Variants in TMEM68 observed in about 807,000 individuals in gnomAD.
TMEM68 encodes DGAT1/2-independent enzyme synthesizing storage lipids.
In TMEM68, 25 loss-of-function variants were observed where a neutral mutation model predicts 36.9. The observed-to-expected ratio is 0.68, with a 90% CI of 0.49 to 0.95. The LOEUF is 0.95. Ranked by LOEUF, TMEM68 falls within the 40% of genes least tolerant of loss-of-function variation. The pLI is 0.00. For missense variants in TMEM68, 333 were observed against 392.0 expected (o/e 0.85, Z 1.27); for synonymous variants, 131 against 124.4 (o/e 1.05, Z -0.35).
chr8:55,756,419 A>T lies in TMEM68; in HGVS notation c.326-8T>A, dbSNP rs749018168. ...TTCCATGAACTTCATAACCTGTTTG[A>T]ATGACAAAATGCAAATACTTAAAAT... is the stretch of plus-strand genomic sequence containing the variant. On this transcript the variant is annotated splice_region_variant and splice_polypyrimidine_tract_variant and intron_variant, in intron 3 of 7. Coordinates refer to ENST00000434581, the MANE Select transcript of TMEM68 (RefSeq NM_001286657.2). The T allele has an allele frequency of 6.4e-6, 10 of 1,553,528 alleles. No individual in the cohort carries two copies. The East Asian group carries it at 2.4e-4, about 37-fold the overall frequency.
intron 4 of TMEM68, chr8:55,751,557 G>C: frequency 2.3e-6 from 1 of 440,214 alleles, no homozygotes; most frequent in Admixed American, 2.6e-5. Context: ...CTATAAAAAA[G>C]AGAATCACTC....
intron 5 of TMEM68, among the ~76,000 whole-genome samples, chr8:55,748,562 G>C (rs1810346672): frequency 6.7e-6 from 1 of 150,060 alleles, no homozygotes; most frequent in Admixed American, 6.6e-5. Flanking sequence ...GAGAGGGAGG[G>C]AGGGGAGGGA....
intron 5 of TMEM68, among the ~76,000 whole-genome samples, chr8:55,750,454 G>A (rs985432334): frequency 1.3e-5 from 2 of 151,582 alleles, no homozygotes; most frequent in African/African-American, 4.8e-5. Context: ...TGTTTCATAG[G>A]CTAAAGTACA....
At chr8:55,760,723 TATG>T (rs1421558618) in intron 3 of TMEM68, 9 of 152,360 alleles carry the variant, frequency 5.9e-5, no homozygotes, top group Non-Finnish European at 7.3e-5. Context: ...TTAAATTAAG[TATG>T]ATAACTGTGA....
Position 55,745,119 on chromosome 8 carries a change from G to T in TMEM68, c.690C>A (p.Pro230=). The change falls in exon 6 of 8, where the codon CCC becomes CCA. Residue 230 remains proline, a splice_region_variant and synonymous_variant. Transcript: ENST00000434581. ...TATTTTGTGTAAACATAGGAATAAT[G>T]GGCTAAAGAAAAGGAGAATTTGAAT... The part of the protein sequence containing the change: ...FAQVAIDAKV[P]IIPMFTQNIR... 6.8e-7 allele frequency: 1 copy of T among 1,477,938 alleles called. No homozygotes were observed. The highest frequency in any genetic ancestry group is 9.0e-7 in the Non-Finnish European group (1 of 1,114,420). 91.6% of individuals were successfully genotyped at this position (1,477,938 alleles called of 1,614,324 possible).
intron 4 of TMEM68, among the ~76,000 whole-genome samples, chr8:55,752,770 G>A (rs1042224214): frequency 6.8e-6 from 1 of 146,880 alleles, no homozygotes; most frequent in Admixed American, 6.9e-5. Flanking sequence ...TGTCACCCAG[G>A]CTGGAATGCA....
chr8:55,744,809 C>T (rs1810222508), intron 6 of TMEM68, among the ~76,000 whole-genome samples: 1 of 152,112 alleles, frequency 6.6e-6, no homozygotes, highest in Non-Finnish European at 1.5e-5. Flanking sequence ...AATAAACTAG[C>T]TAATTCACTG....
chr8:55,742,491 C>CTA (rs1412641263), intron 7 of TMEM68, among the ~76,000 whole-genome samples: 5 of 152,048 alleles, frequency 3.3e-5, no homozygotes, highest in South Asian at 2.1e-4. Context: ...ATAAATCAGA[C>CTA]TATATATATA....
At chr8:55,750,898 ATTAC>A (rs1459583568) in intron 5 of TMEM68, 62 bp downstream of exon 5, 23 of 1,513,714 alleles carry the variant, frequency 1.5e-5, no homozygotes, top group Non-Finnish European at 2.1e-5. Context: ...AATTTGGCTC[ATTAC>A]TTAACCATTT....
chr8:55,763,161 CAG>C (rs1810854311), intron 2 of TMEM68, 133 bp from the exon 3 acceptor site: 3 of 465,980 alleles, frequency 6.4e-6, no homozygotes, highest in Non-Finnish European at 1.1e-5. Context: ...AACTTTGTTG[CAG>C]ATTTAAATGT....
At chr8:55,769,029 A>T (rs1410461598) in intron 1 of TMEM68, among the ~76,000 whole-genome samples, 1 of 147,138 alleles carries the variant, frequency 6.8e-6, no homozygotes, top group Non-Finnish European at 1.5e-5. Context: ...AAAAAAAAAA[A>T]AAAAAAAAAA....
At chr8:55,753,869 A>T (rs566666036) in intron 4 of TMEM68, among the ~76,000 whole-genome samples, 2 of 152,306 alleles carry the variant, frequency 1.3e-5, no homozygotes, top group East Asian at 3.9e-4. Flanking sequence ...AGGCGGGCGG[A>T]TCACCTGAGG....
Position 55,756,538 on chromosome 8 carries a change from C to T in TMEM68, c.326-127G>A, listed in dbSNP as rs572544766. 55 of 774,574 alleles carry T rather than the reference C, an allele frequency of 7.1e-5. No individual in the cohort carries two copies. The East Asian group carries it at 1.3e-3, about 18-fold the overall frequency. The allele number at this position is 774,574 out of a possible 1,614,324, so 48.0% of individuals were successfully genotyped here. ...TCTTCCTGGTTCTCTTCCCCTTTCC[C>T]CCTTCTTCCCTCTCTTTCCTCTTCT... On this transcript the variant is annotated intron_variant, in intron 3 of 7. Coordinates refer to ENST00000434581, the MANE Select transcript of TMEM68 (RefSeq NM_001286657.2).
At chr8:55,751,213 A>T in intron 4 of TMEM68, 56 bp from the exon 5 acceptor site, 1 of 1,474,186 alleles carries the variant, frequency 6.8e-7, no homozygotes, top group Non-Finnish European at 9.1e-7. Context: ...TTAATTCTTC[A>T]AAAGAAAAAT....
chr8:55,771,732 A>G (rs563704721), intron 1 of TMEM68, among the ~76,000 whole-genome samples: 1 of 152,332 alleles, frequency 6.6e-6, no homozygotes, highest in African/African-American at 2.4e-5. Context: ...GAAAATGCCA[A>G]TTAAAAGATA....
Position 55,739,145 on chromosome 8 carries a change from T to A in TMEM68, c.*987A>T, listed in dbSNP as rs1420891164. 1 of 152,730 alleles carries A rather than the reference T, an allele frequency of 6.5e-6. No homozygotes were observed. The highest frequency in any genetic ancestry group is 1.9e-4 in the East Asian group (1 of 5,188). The allele number at this position is 152,730 out of a possible 1,614,324, so 9.5% of individuals were successfully genotyped here. On this transcript the variant is annotated 3_prime_UTR_variant, in exon 8 of 8. Transcript: ENST00000434581. Reference sequence around the variant, plus strand: ...ACAAAACAAAACATAAATAAATTCATCATTCAAGTATATTTTTATTGAAGC... The same window carrying A: ...ACAAAACAAAACATAAATAAATTCAACATTCAAGTATATTTTTATTGAAGC...
intron 1 of TMEM68, among the ~76,000 whole-genome samples, chr8:55,771,634 AAAT>A (rs1259985980): frequency 6.6e-6 from 1 of 152,172 alleles, no homozygotes; most frequent in African/African-American, 2.4e-5. Context: ...ATAAATAAAT[AAAT>A]AAATAAAGTA....
At chr8:55,770,954 G>C (rs889227738) in intron 1 of TMEM68, among the ~76,000 whole-genome samples, 1 of 152,002 alleles carries the variant, frequency 6.6e-6, no homozygotes, top group Non-Finnish European at 1.5e-5. Flanking sequence ...TCGGGAGTTC[G>C]AGACCAGCCT....
rs182884274 is a variant in TMEM68 at position 55,749,727 on chromosome 8, G to C, written c.687+1237C>G. Among the ~76,000 whole-genome samples the C allele has an allele frequency of 3.9e-5, 6 of 152,172 alleles. No homozygotes were observed. The East Asian group carries it at 1.2e-3, about 29-fold the overall frequency. On this transcript the variant is annotated intron_variant, in intron 5 of 7. Transcript: ENST00000434581. ...TATGCATCACCTCCTTACTGAATAG[G>C]AGTATAAGATAAAGTGTTTAAAAGT...
Sources: allele counts gnomAD v4.1 joint callset (sites outside exome capture counted in the v4.1 genomes callset), GRCh38; gene constraint gnomAD v4.1.1; transcripts MANE v1.5; gene names NCBI Gene and HGNC (gene_info 2026-07-23, HGNC 2026-07-21).